Variants in NUP205 observed in about 807,000 individuals in gnomAD.
NUP205 encodes the protein nucleoporin 205, also known as nuclear pore complex protein Nup205.
In NUP205, 76 loss-of-function variants were observed where a neutral mutation model predicts 253.8. The observed-to-expected ratio is 0.30, with a 90% confidence interval of 0.25 to 0.36. The LOEUF is 0.36. Ranked by LOEUF, NUP205 falls within the 10% of genes least tolerant of loss-of-function variation. The probability of loss-of-function intolerance (pLI) is 1.00; values close to 1 mark genes in which losing one functional copy is unlikely to be tolerated. For synonymous variants in NUP205, 832 were observed against 850.1 expected, an observed-to-expected ratio of 0.98 and a Z score of 0.37; for missense variants, 2,162 against 2,425.5, an observed-to-expected ratio of 0.89 and a Z score of 2.28.
rs1226784829 is a variant in NUP205 at position 135,576,173 on chromosome 7, G to A, written c.344-97G>A. 4 of 1,051,538 alleles carry A rather than the reference G, an allele frequency of 3.8e-6. No homozygotes were observed. In the East Asian group the frequency reaches 1.0e-4, roughly 26 times the overall value. The allele number at this position is 1,051,538 out of a possible 1,614,324, so 65.1% of individuals were successfully genotyped here. ...AGGGCCCCTTAAGCCCTGAGCTACT[G>A]TGATTCTTTGAACTGAACATTGTTA... On this transcript the variant is annotated intron_variant, in intron 3 of 42. Transcript: ENST00000285968.
rs767721457 is a variant in NUP205, at chr7:135,616,766, C to T, written c.3532+40C>T. The T allele has an allele frequency of 4.5e-5, 49 of 1,084,560 alleles. No individual in the cohort carries two copies. The Middle Eastern group carries it at 9.6e-4, about 21-fold the overall frequency. 67.2% of individuals were successfully genotyped at this position (1,084,560 alleles called of 1,614,324 possible). ...ATTTGTAATAAATTTATTTTATAGACATATATTAAAAAAAAAAAAACTTCA... is the reference window on the plus strand; with the variant it reads ...ATTTGTAATAAATTTATTTTATAGATATATATTAAAAAAAAAAAAACTTCA... On this transcript the variant is annotated intron_variant, in intron 25 of 42. Coordinates refer to ENST00000285968, the MANE Select transcript of NUP205 (RefSeq NM_015135.3).
chr7:135,580,350 C>T (rs557426822), intron 7 of NUP205, among the ~76,000 whole-genome samples: 126 of 152,262 alleles, frequency 8.3e-4, no homozygotes, highest in African/African-American at 2.8e-3. Flanking sequence ...TTTACATTCC[C>T]GTACAAATTC....
At chr7:135,558,426 C>T (rs1805492685) in intron 1 of NUP205, among the ~76,000 whole-genome samples, 1 of 152,120 alleles carries the variant, frequency 6.6e-6, no homozygotes. Context: ...GCGAATACTC[C>T]CTATTATGAA....
chr7:135,582,475 A>G (rs997357888), intron 7 of NUP205, among the ~76,000 whole-genome samples: 1 of 152,100 alleles, frequency 6.6e-6, no homozygotes, highest in Admixed American at 6.5e-5. Flanking sequence ...TTTGTATAAT[A>G]TGGGTAGATA....
At chr7:135,569,014 A>G (rs1293659924) in intron 1 of NUP205, among the ~76,000 whole-genome samples, 2 of 152,058 alleles carry the variant, frequency 1.3e-5, no homozygotes, top group African/African-American at 2.4e-5. Context: ...GCTGTAAGAC[A>G]AAGATTGTTT....
intron 35 of NUP205, 130 bp from the exon 36 acceptor site, chr7:135,635,451 C>G (rs932695512): frequency 3.9e-6 from 2 of 506,368 alleles, no homozygotes; most frequent in African/African-American, 3.9e-5. Flanking sequence ...TCATAGTTCT[C>G]AAAACTTTTT....
At chr7:135,564,150 CAT>C (rs1265719468) in intron 1 of NUP205, among the ~76,000 whole-genome samples, 1 of 151,584 alleles carries the variant, frequency 6.6e-6, no homozygotes, top group Non-Finnish European at 1.5e-5. Flanking sequence ...TCAGTCATGG[CAT>C]ACTACAGCCT....
rs1794380413 is a variant in NUP205 at position 135,617,175 on chromosome 7, G to A, written c.3618G>A (p.Arg1206=). ...CTTTGCAGTTGGATTTTTTTGATCG[G>A]GCCCAGATTGAACAAGTTATTGCTA... ...PEPLQLDFFD[R]AQIEQVIANC... The change falls in exon 26 of 43, where the codon CGG becomes CGA. Residue 1206 remains arginine (R), a synonymous_variant. Transcript: ENST00000285968. 1 of 1,613,524 alleles carries A rather than the reference G, an allele frequency of 6.2e-7. No individual in the cohort carries two copies. The highest frequency in any genetic ancestry group is 1.7e-5 in the Admixed American group (1 of 59,960).
chr7:135,647,394 C>G (rs1795031595), intron 42 of NUP205, among the ~76,000 whole-genome samples: 1 of 152,250 alleles, frequency 6.6e-6, no homozygotes, highest in Non-Finnish European at 1.5e-5. Flanking sequence ...CCAATCCAGA[C>G]TACATTCGCC....
At chr7:135,587,529 G>C in intron 8 of NUP205, 46 bp from the exon 9 acceptor site, 1 of 1,139,150 alleles carries the variant, frequency 8.8e-7, no homozygotes, top group Non-Finnish European at 1.3e-6. Context: ...TTATTAGCAT[G>C]TACAATACAT....
In NUP205 at chr7:135,619,805, G is replaced by A. The variant is rs761972130; in HGVS notation, c.4247G>A (p.Arg1416Gln). The A allele has an allele frequency of 7.4e-6, 12 of 1,611,192 alleles. No homozygotes were observed. The highest frequency in any genetic ancestry group is 1.7e-5 in the Admixed American group (1 of 59,680). Reference protein sequence around the residue: ...FILKTGGGFQRVRTHLYGSLL... With the variant: ...FILKTGGGFQQVRTHLYGSLL... Reference sequence around the variant, plus strand: ...ATCTCCCTAGGTGGTGGATTCCAACGAGTGAGGACTCACTTGTATGGCTCT... The same window carrying A: ...ATCTCCCTAGGTGGTGGATTCCAACAAGTGAGGACTCACTTGTATGGCTCT... Residue 1416 changes from arginine to glutamine, a missense_variant, in exon 30 of 43, where the codon CGA becomes CAA. Coordinates refer to ENST00000285968, the MANE Select transcript of NUP205 (RefSeq NM_015135.3).
In NUP205 at chr7:135,640,961, A is replaced by G. The variant is rs562681923; in HGVS notation, c.5393-2231A>G. 2.0e-5 allele frequency among the ~76,000 whole-genome samples: 3 copies of G among 152,232 alleles called. No homozygotes were observed. The South Asian group carries it at 6.2e-4, about 32-fold the overall frequency. Reference sequence around the variant, plus strand: ...GAGCCTGTAATCCCAGTTACTCAGGAGACTATGGCAGGGGGATCACATGAG... The same window carrying G: ...GAGCCTGTAATCCCAGTTACTCAGGGGACTATGGCAGGGGGATCACATGAG... On this transcript the variant is annotated intron_variant, in intron 38 of 42. Coordinates refer to ENST00000285968, the MANE Select transcript of NUP205 (RefSeq NM_015135.3).
chr7:135,590,633 A>G (rs1015752744), intron 10 of NUP205, among the ~76,000 whole-genome samples: 9 of 152,000 alleles, frequency 5.9e-5, no homozygotes, highest in Admixed American at 3.9e-4. Flanking sequence ...CCTGGGTTCA[A>G]TTGATTCTCC....
chr7:135,601,083 G>A, intron 16 of NUP205, 114 bp downstream of exon 16: 2 of 615,160 alleles, frequency 3.3e-6, no homozygotes, highest in Non-Finnish European at 5.4e-6. Flanking sequence ...TTAATCTTTT[G>A]TTTCATTGTT....
Position 135,593,242 on chromosome 7 carries a change from C to A in NUP205, c.1830+50C>A, listed in dbSNP as rs756373667. 23 of 1,461,678 alleles carry A rather than the reference C, an allele frequency of 1.6e-5. No individual in the cohort carries two copies. In the South Asian group the frequency reaches 2.5e-4, roughly 16 times the overall value. 90.5% of individuals were successfully genotyped at this position (1,461,678 alleles called of 1,614,324 possible). On this transcript the variant is annotated intron_variant, in intron 12 of 42. Transcript: ENST00000285968. ...TTTTATTTTTATTATAGCACAGTAG[C>A]ATTTTAAGAGCCCCAAACATTTTCT... is the stretch of plus-strand genomic sequence containing the variant.
intron 34 of NUP205, among the ~76,000 whole-genome samples, chr7:135,629,507 C>CTCTG (rs1487599150): frequency 7.5e-6 from 1 of 134,116 alleles, no homozygotes; most frequent in Non-Finnish European, 1.6e-5. Flanking sequence ...CTCTCTCTCT[C>CTCTG]TCTGTCTCTC....
intron 15 of NUP205, among the ~76,000 whole-genome samples, chr7:135,599,860 T>A (rs891612745): frequency 3.9e-5 from 6 of 152,214 alleles, no homozygotes; most frequent in Non-Finnish European, 8.8e-5. Context: ...ACACAAACAG[T>A]GCTTTGGATT....
chr7:135,645,970 G>GA (rs1333156600), intron 41 of NUP205, 188 bp from the exon 42 acceptor site: 1 of 598,254 alleles, frequency 1.7e-6, no homozygotes, highest in East Asian at 2.8e-5. Context: ...GAAAAGCTGA[G>GA]AACCCTGGTC....
In NUP205 at chr7:135,602,873, A is replaced by G. The variant is rs1376092621; in HGVS notation, c.2581A>G (p.Asn861Asp). 3 of 1,613,852 alleles carry G rather than the reference A, an allele frequency of 1.9e-6. No individual in the cohort carries two copies. Among genetic ancestry groups the G allele is most frequent in the Non-Finnish European group, 1.7e-6 (2 of 1,179,920 alleles). The change falls in exon 18 of 43, where the codon AAT becomes GAT. Residue 861 changes from asparagine to aspartate, a missense_variant. Asn to Asp is a conservative substitution (Grantham distance 23). Transcript: ENST00000285968. ...ALLNLTLQKE[N>D]LFMDLLRESQ... is the part of the protein sequence containing the mutation. The stretch of plus-strand genomic sequence containing the variant: ...TCTCAATCTTACTCTGCAAAAGGAA[A>G]ATCTTTTTATGGACCTTCTAAGAGA...
Sources: allele counts gnomAD v4.1 joint callset (sites outside exome capture counted in the v4.1 genomes callset), GRCh38; gene constraint gnomAD v4.1.1; transcripts MANE v1.5; gene names NCBI Gene and HGNC (gene_info 2026-07-23, HGNC 2026-07-21).